Variants in SYT1 observed in about 807,000 individuals in gnomAD.
SYT1 encodes synaptotagmin-1.
A neutral mutation model predicts 44.8 loss-of-function variants in SYT1; 8 were observed. The ratio of observed to expected loss-of-function variants is 0.18; its 90% CI spans 0.10 to 0.32. The LOEUF (loss-of-function observed/expected upper bound fraction) is 0.32. Ranked by LOEUF, SYT1 falls within the 10% of genes least tolerant of loss-of-function variation. The probability of loss-of-function intolerance (pLI) is 1.00; values close to 1 mark genes in which losing one functional copy is unlikely to be tolerated. For missense variants in SYT1, 286 were observed against 509.3 expected (o/e 0.56, Z 4.22); for synonymous variants, 154 against 188.8 (o/e 0.82, Z 1.51).
intron 9 of SYT1, among the ~76,000 whole-genome samples, chr12:79,390,867 G>C (rs1295814507): frequency 5.3e-5 from 8 of 151,980 alleles, no homozygotes; most frequent in Non-Finnish European, 1.5e-5. Flanking sequence ...CTCTCAAATT[G>C]CTCATCCTTA....
chr12:79,285,712 T>C, intron 4 of SYT1, 75 bp from the exon 5 acceptor site: 1 of 1,154,382 alleles, frequency 8.7e-7, no homozygotes, highest in Non-Finnish European at 1.2e-6. Context: ...AATGAATATC[T>C]TTATAGCCCA....
At position 79,154,526 on chromosome 12, in the gene SYT1, C is replaced by T. The variant is rs1592798593; in HGVS notation, c.-17-62977C>T. Among the ~76,000 whole-genome samples, 3 of 151,856 alleles carry T rather than the reference C, an allele frequency of 2.0e-5. 1 individual carries two copies. Among genetic ancestry groups the T allele is most frequent in the African/African-American group, 7.2e-5 (3 of 41,426 alleles). On this transcript the variant is annotated intron_variant, in intron 3 of 10. Coordinates refer to ENST00000261205, the MANE Select transcript of SYT1 (RefSeq NM_005639.3). ...AAGCAGTCTGACCCCAGAATCTATG[C>T]TTTACACCACTGTCAGGTAGAGATA...
intron 3 of SYT1, among the ~76,000 whole-genome samples, chr12:79,084,833 G>A (rs946111046): frequency 6.6e-6 from 1 of 152,048 alleles, no homozygotes; most frequent in African/African-American, 2.4e-5. Context: ...TAGTTAATCA[G>A]ATGTATAAAG....
In SYT1 at chr12:78,868,467, C is replaced by T. The variant is rs1873657125; in HGVS notation, c.-217+3358C>T. ...ACCAAAAGTTCAATACATGACGTGG[C>T]TGATTTTAGCTGAAATTTTTTCACT... On this transcript the variant is annotated intron_variant, in intron 1 of 10. Transcript: ENST00000261205. 4.6e-5 allele frequency among the ~76,000 whole-genome samples: 7 copies of T among 151,712 alleles called. 1 individual carries two copies. The South Asian group carries it at 1.5e-3, about 31-fold the overall frequency.
At chr12:79,030,235 C>T (rs1460811756) in intron 2 of SYT1, among the ~76,000 whole-genome samples, 2 of 150,892 alleles carry the variant, frequency 1.3e-5, no homozygotes, top group Admixed American at 6.6e-5. Context: ...CATGAGAAAC[C>T]TGAATTTGCT....
intron 4 of SYT1, among the ~76,000 whole-genome samples, chr12:79,233,368 GGATACACTGTTACAGTGGCTTTTCCT>G (rs1875984341): frequency 6.6e-6 from 1 of 152,214 alleles, no homozygotes; most frequent in Non-Finnish European, 1.5e-5. Flanking sequence ...AAAGAAACCT[GGATACACTGTTACAGTGGCTTTTCCT>G]CCAGTGGGTA....
intron 1 of SYT1, among the ~76,000 whole-genome samples, chr12:78,880,219 G>A (rs901881055): frequency 6.6e-6 from 1 of 151,654 alleles, no homozygotes; most frequent in East Asian, 1.9e-4. Context: ...ATAGTAATTA[G>A]TCATTACATT....
intron 3 of SYT1, among the ~76,000 whole-genome samples, chr12:79,071,769 G>T (rs560553357): frequency 3.3e-5 from 5 of 152,004 alleles, no homozygotes; most frequent in African/African-American, 1.2e-4. Context: ...CATTGTCTTT[G>T]TCTCTTCTGT....
chr12:79,134,985 CCACA>C (rs201834566), intron 3 of SYT1, among the ~76,000 whole-genome samples: 2,549 of 147,950 alleles, frequency 0.017, 28 homozygotes, highest in East Asian at 0.038. Context: ...AATGTTCTCA[CCACA>C]CACACACACA....
At chr12:78,994,782 G>T (rs955069219) in intron 2 of SYT1, among the ~76,000 whole-genome samples, 1 of 151,968 alleles carries the variant, frequency 6.6e-6, no homozygotes, top group Non-Finnish European at 1.5e-5. Flanking sequence ...TGATCCACCC[G>T]CCTCGGCCTC....
chr12:79,377,086 G>A (rs1345676972), intron 9 of SYT1, among the ~76,000 whole-genome samples: 11 of 124,550 alleles, frequency 8.8e-5, no homozygotes, highest in Admixed American at 3.1e-4. Context: ...TTTTAGAGAT[G>A]TTTATGTAAC....
In SYT1 at chr12:78,989,136, C is replaced by A. The variant is rs78615158; in HGVS notation, c.-84+11205C>A. 4.5e-3 allele frequency among the ~76,000 whole-genome samples: 688 copies of A among 152,012 alleles called. 5 individuals carry two copies. Among genetic ancestry groups the A allele is most frequent in the African/African-American group, 0.015 (640 of 41,482 alleles). On this transcript the variant is annotated intron_variant, in intron 2 of 10. Transcript: ENST00000261205. The stretch of plus-strand genomic sequence containing the variant: ...CTGATGGGGAAGACTCCAACAGAAA[C>A]GGGTAGGGGAGGAGAAAACAAATTT...
chr12:79,093,349 C>G (rs1877907124), intron 3 of SYT1, among the ~76,000 whole-genome samples: 1 of 151,568 alleles, frequency 6.6e-6, no homozygotes, highest in African/African-American at 2.4e-5. Context: ...TTAAAGACTT[C>G]AAAATAAAAT....
At chr12:79,157,068 G>A (rs113797924) in intron 3 of SYT1, among the ~76,000 whole-genome samples, 1,688 of 152,244 alleles carry the variant, frequency 0.011, 42 homozygotes, top group African/African-American at 0.039. Flanking sequence ...AGAGGAACTT[G>A]TAGAGTTCAA....
At position 79,045,137 on chromosome 12, in the gene SYT1, G is replaced by T. The variant is rs534285571; in HGVS notation, c.-83-2160G>T. ...AGGCAGGCAGGCCTCCTTGAGCTGT[G>T]GTGGGCTCCACCCAGTTCGAGCTTC... On this transcript the variant is annotated intron_variant, in intron 2 of 10. Transcript: ENST00000261205. 3.6e-3 allele frequency among the ~76,000 whole-genome samples: 554 copies of T among 152,242 alleles called. 4 individuals are homozygous for T. Among genetic ancestry groups the T allele is most frequent in the African/African-American group, 0.013 (542 of 41,558 alleles).
chr12:79,289,323 A>G (rs1879459583), intron 5 of SYT1, among the ~76,000 whole-genome samples: 1 of 152,196 alleles, frequency 6.6e-6, no homozygotes. Context: ...ATTTTGTTCT[A>G]TGAAGAGGAA....
intron 9 of SYT1, among the ~76,000 whole-genome samples, chr12:79,435,721 G>A (rs1210297856): frequency 6.6e-6 from 1 of 152,178 alleles, no homozygotes; most frequent in Admixed American, 6.5e-5. Flanking sequence ...TTCTTCTAAT[G>A]CAGGGCTTAT....
chr12:78,937,367 T>C (rs1041522221), intron 1 of SYT1, among the ~76,000 whole-genome samples: 4 of 152,168 alleles, frequency 2.6e-5, no homozygotes, highest in African/African-American at 7.2e-5. Context: ...CTTTGTGGCC[T>C]TTAAATTCTA....
intron 4 of SYT1, among the ~76,000 whole-genome samples, chr12:79,258,772 T>A (rs1024007213): frequency 2.0e-5 from 3 of 152,242 alleles, no homozygotes; most frequent in Admixed American, 6.5e-5. Flanking sequence ...GCCTTAGTAG[T>A]ACCCATACTT....
Sources: gnomAD v4.1 joint callset for allele counts (sites outside exome capture counted in the v4.1 genomes callset) on GRCh38, gnomAD v4.1.1 for gene constraint, MANE v1.5 for transcripts, NCBI Gene and HGNC (gene_info 2026-07-23, HGNC 2026-07-21) for gene names.